The following PIGU variants were observed in gnomAD, a reference collection of about 807,000 sequenced individuals.
PIGU encodes the protein phosphatidylinositol glycan anchor biosynthesis class U.
PIGU carries 24 observed loss-of-function variants against 49.9 expected under a neutral mutation model. The observed-to-expected ratio is 0.48, with a 90% confidence interval of 0.35 to 0.68. The LOEUF (loss-of-function observed/expected upper bound fraction) is 0.68. Ranked by LOEUF, PIGU falls within the 30% of genes least tolerant of loss-of-function variation. PIGU has a pLI of 0.01. For synonymous variants in PIGU, 220 were observed against 205.7 expected (o/e 1.07, Z -0.59); for missense variants, 490 against 532.6 (o/e 0.92, Z 0.79).
At chr20:34,619,857 T>C (rs1213192741) in intron 6 of PIGU, among the ~76,000 whole-genome samples, 1 of 152,222 alleles carries the variant, frequency 6.6e-6, no homozygotes, top group African/African-American at 2.4e-5. Flanking sequence ...TTCCTCCTGC[T>C]ATTCTTTGTC....
chr20:34,573,975 C>T lies in PIGU; in HGVS notation c.1194+1129G>A, dbSNP rs557305877. Among the ~76,000 whole-genome samples the T allele has an allele frequency of 3.9e-5, 6 of 152,346 alleles. No individual in the cohort carries two copies. The East Asian group carries it at 1.2e-3, about 29-fold the overall frequency. On this transcript the variant is annotated intron_variant, in intron 11 of 11. Coordinates refer to ENST00000217446, the MANE Select transcript of PIGU (RefSeq NM_080476.5). ...AAAAGCCCTAACTCCTTTCTTTTCC[C>T]GCAGCTAACCTTGGAGGCAAGAATT...
At position 34,593,209 on chromosome 20, in the gene PIGU, T is replaced by C. The variant is rs1984061115; in HGVS notation, c.628-4602A>G. 2.6e-5 allele frequency among the ~76,000 whole-genome samples: 4 copies of C among 152,046 alleles called. No individual in the cohort carries two copies. The South Asian group carries it at 8.3e-4, about 32-fold the overall frequency. ...AAAATTAGTAGGGCATGGTGGCACA[T>C]GTCTGTAGTCCCAGCTACTCCAGAG... On this transcript the variant is annotated intron_variant, in intron 7 of 11. Transcript: ENST00000217446.
chr20:34,645,129 G>A, intron 3 of PIGU, 146 bp downstream of exon 3: 3 of 813,194 alleles, frequency 3.7e-6, no homozygotes, highest in South Asian at 3.1e-5. Flanking sequence ...TGAAATGGGA[G>A]GACCACTTAA....
chr20:34,661,056 C>A (rs1346599091), intron 1 of PIGU, among the ~76,000 whole-genome samples: 1 of 152,054 alleles, frequency 6.6e-6, no homozygotes, highest in Non-Finnish European at 1.5e-5. Flanking sequence ...TTAAAAAGTA[C>A]ACTAGAGATC....
In PIGU at chr20:34,599,500, T is replaced by C. The variant is rs144814336; in HGVS notation, c.628-10893A>G. On this transcript the variant is annotated intron_variant, in intron 7 of 11. Coordinates refer to ENST00000217446, the MANE Select transcript of PIGU (RefSeq NM_080476.5). ...TTCTGACAGTCACTATGCTAACTAGTAAAGGTGTTGATCAAACTATAGAGA... is the reference window on the plus strand; with the variant it reads ...TTCTGACAGTCACTATGCTAACTAGCAAAGGTGTTGATCAAACTATAGAGA... Among the ~76,000 whole-genome samples the C allele has an allele frequency of 2.8e-4, 42 of 152,184 alleles. No individual in the cohort carries two copies. The East Asian group carries it at 7.5e-3, about 27-fold the overall frequency.
At position 34,560,877 on chromosome 20, in the gene PIGU, C is replaced by G. The variant is rs758714375; in HGVS notation, c.1297G>C (p.Val433Leu). Residue 433 changes from valine to leucine, a missense_variant, in exon 12 of 12, where the codon GTG becomes CTG. Coordinates refer to ENST00000217446, the MANE Select transcript of PIGU (RefSeq NM_080476.5). Reference sequence around the variant, plus strand: ...TGTGCCAGCCAGGCCTACTTGAGCACGAGCATGGCCTCTGTGCCATCCTTG... The same window carrying G: ...TGTGCCAGCCAGGCCTACTTGAGCAGGAGCATGGCCTCTGTGCCATCCTTG... ...TAKDGTEAMLVLK is the reference protein window; with the variant it reads ...TAKDGTEAMLLLK 1 of 1,606,534 alleles carries G rather than the reference C, an allele frequency of 6.2e-7. No homozygotes were observed. The highest frequency in any genetic ancestry group is 8.5e-7 in the Non-Finnish European group (1 of 1,175,178).
intron 7 of PIGU, among the ~76,000 whole-genome samples, chr20:34,599,055 T>C (rs1009598097): frequency 6.6e-6 from 1 of 152,146 alleles, no homozygotes; most frequent in Non-Finnish European, 1.5e-5. Flanking sequence ...CTGTAGCTCA[T>C]AAGCCACCAC....
intron 6 of PIGU, among the ~76,000 whole-genome samples, chr20:34,631,576 CAG>C (rs1227627330): frequency 1.4e-5 from 2 of 144,006 alleles, no homozygotes; most frequent in Non-Finnish European, 3.0e-5. Flanking sequence ...TTTTTTGAGA[CAG>C]AGTCTTGCTC....
In PIGU at chr20:34,615,347, A is replaced by C. The variant is rs1484115855; in HGVS notation, c.627+695T>G. Reference sequence around the variant, plus strand: ...GCATTGTTTCAGATGCACATACTCCATTTAAGTCCTATAAGAATCTTACAA... The same window carrying C: ...GCATTGTTTCAGATGCACATACTCCCTTTAAGTCCTATAAGAATCTTACAA... On this transcript the variant is annotated intron_variant, in intron 7 of 11. Transcript: ENST00000217446. 4.6e-5 allele frequency among the ~76,000 whole-genome samples: 7 copies of C among 152,236 alleles called. 1 individual carries two copies. The highest frequency in any genetic ancestry group is 4.6e-4 in the Admixed American group (7 of 15,288).
At chr20:34,636,078 G>A (rs907712405) in intron 5 of PIGU, among the ~76,000 whole-genome samples, 17 of 151,772 alleles carry the variant, frequency 1.1e-4, no homozygotes, top group African/African-American at 4.1e-4. Context: ...GTACACACCT[G>A]TAGTCCCAGA....
In PIGU at chr20:34,616,096, G is replaced by A. The variant is rs116915319; in HGVS notation, c.573C>T (p.Tyr191=). 538 of 1,613,238 alleles carry A rather than the reference G, an allele frequency of 3.3e-4. No individual in the cohort carries two copies. The highest frequency in any genetic ancestry group is 4.3e-4 in the Non-Finnish European group (509 of 1,179,666). Residue 191 remains tyrosine (Y), a synonymous_variant, in exon 7 of 12, where the codon TAC becomes TAT. Transcript: ENST00000217446. The part of the protein sequence containing the change: ...LSAIFLALAT[Y]QSLYPLTLFV... ...ACAAGGTGAGTGGGTACAGAGACTG[G>A]TATGTCGCTAAGGCAAGAAAAATAG...
chr20:34,561,576 G>A (rs112697641), intron 11 of PIGU, among the ~76,000 whole-genome samples: 6 of 151,968 alleles, frequency 3.9e-5, no homozygotes, highest in Admixed American at 1.3e-4. Context: ...TCTCAAACCC[G>A]TGCCCACCCC....
At chr20:34,616,183 T>A in intron 6 of PIGU, 44 bp from the exon 7 acceptor site, 1 of 1,599,466 alleles carries the variant, frequency 6.3e-7, no homozygotes, top group Non-Finnish European at 8.5e-7. Flanking sequence ...GCCTCATCAA[T>A]CATGATTAGA....
chr20:34,665,494 C>T (rs867325972), intron 1 of PIGU, among the ~76,000 whole-genome samples: 2 of 151,876 alleles, frequency 1.3e-5, no homozygotes, highest in African/African-American at 4.8e-5. Flanking sequence ...TGAGCCACCG[C>T]GCCCGGCCCA....
At chr20:34,604,582 T>C (rs1984544171) in intron 7 of PIGU, among the ~76,000 whole-genome samples, 1 of 152,182 alleles carries the variant, frequency 6.6e-6, no homozygotes. Context: ...ACAGCACTGC[T>C]ACCTCTGCCC....
chr20:34,664,572 G>T (rs1698870526), intron 1 of PIGU, among the ~76,000 whole-genome samples: 1 of 152,126 alleles, frequency 6.6e-6, no homozygotes, highest in Admixed American at 6.5e-5. Flanking sequence ...GGAGGCTAAG[G>T]TAGAAGAATC....
intron 1 of PIGU, among the ~76,000 whole-genome samples, chr20:34,661,623 G>C: frequency 6.6e-6 from 1 of 151,828 alleles, no homozygotes; most frequent in Admixed American, 6.6e-5. Context: ...CCACTGATGG[G>C]CATTCAGGTT....
At chr20:34,576,427 T>C (rs1983237454) in intron 10 of PIGU, among the ~76,000 whole-genome samples, 2 of 151,990 alleles carry the variant, frequency 1.3e-5, no homozygotes. Context: ...AGGTCAGAAG[T>C]TCCAAAATGG....
intron 6 of PIGU, among the ~76,000 whole-genome samples, chr20:34,620,539 C>T (rs1469660407): frequency 2.0e-5 from 3 of 152,084 alleles, no homozygotes; most frequent in Non-Finnish European, 2.9e-5. Flanking sequence ...TGGACAGGCG[C>T]GGTGGCTCAT....
Sources: allele counts gnomAD v4.1 joint callset (sites outside exome capture counted in the v4.1 genomes callset), GRCh38; gene constraint gnomAD v4.1.1; transcripts MANE v1.5; gene names NCBI Gene and HGNC (gene_info 2026-07-23, HGNC 2026-07-21).